PHC1: variants seen among roughly 807,000 people sequenced by gnomAD.
The protein encoded by PHC1 is polyhomeotic homolog 1.
PHC1 carries 12 observed loss-of-function variants against 104.3 expected under a neutral mutation model. That is an observed-to-expected ratio of 0.12 (90% confidence interval 0.07 to 0.19). The LOEUF (loss-of-function observed/expected upper bound fraction) is 0.19, where lower values mean the gene tolerates loss of function less well. PHC1 is among the 10% of genes least tolerant of loss of function. The probability of loss-of-function intolerance (pLI) is 1.00; values close to 1 mark genes in which losing one functional copy is unlikely to be tolerated. For synonymous variants in PHC1, 302 were observed against 455.8 expected (o/e 0.66, Z 4.30); for missense variants, 671 against 1,200.0 (o/e 0.56, Z 6.51).
At chr12:8,917,832 G>A (rs763421996) in intron 2 of PHC1, 41 bp downstream of exon 2, 4 of 1,040,810 alleles carry the variant, frequency 3.8e-6, no homozygotes, top group Non-Finnish European at 5.7e-6. Context: ...GTGAGTCTTG[G>A]CTTGTGGTAG....
Position 8,921,717 on chromosome 12 carries a change from C to T in PHC1, c.423C>T (p.Pro141=), listed in dbSNP as rs1445601107. 1.6e-5 allele frequency: 26 copies of T among 1,612,624 alleles called. No individual in the cohort carries two copies. Among genetic ancestry groups the T allele is most frequent in the Non-Finnish European group, 2.1e-5 (25 of 1,179,394 alleles). Residue 141 remains proline, a synonymous_variant, in exon 5 of 15, where the codon CCC becomes CCT. Transcript: ENST00000544916. The part of the protein sequence containing the change: ...SVLLGNTTSP[P]LNQSQAQMYL... ...TACTGGGGAACACCACCTCCCCACC[C>T]CTCAACCAGTCTCAGGCCCAGATGT... is the stretch of plus-strand genomic sequence containing the variant.
chr12:8,915,678 CTGTT>C (rs968986465), intron 1 of PHC1: 7 of 98,266 alleles, frequency 7.1e-5, no homozygotes, highest in African/African-American at 2.2e-4. Context: ...GCTGCCCAAA[CTGTT>C]TGTTGTCTCC....
rs1268775630 is a variant in PHC1 at position 8,930,957 on chromosome 12, T to C, written c.1105+30T>C. The C allele has an allele frequency of 3.8e-6, 6 of 1,559,966 alleles. No homozygotes were observed. The South Asian group carries it at 7.2e-5, about 19-fold the overall frequency. ...ATTGTCATTCCTCATGTCATTATTC[T>C]CTCAGAATTCATGTGAAATTTTCCT... On this transcript the variant is annotated intron_variant, in intron 7 of 14. Transcript: ENST00000544916.
rs746924917 is a variant in PHC1 at position 8,930,967 on chromosome 12, C to T, written c.1105+40C>T. ...CTCATGTCATTATTCTCTCAGAATTCATGTGAAATTTTCCTTTTTTTCTTT... is the reference window on the plus strand; with the variant it reads ...CTCATGTCATTATTCTCTCAGAATTTATGTGAAATTTTCCTTTTTTTCTTT... On this transcript the variant is annotated intron_variant, in intron 7 of 14. Coordinates refer to ENST00000544916, the MANE Select transcript of PHC1 (RefSeq NM_004426.3). 1.8e-5 allele frequency: 28 copies of T among 1,547,288 alleles called. No homozygotes were observed. The African/African-American group carries it at 2.2e-4, about 12-fold the overall frequency.
rs1332801903 is a variant in PHC1, at chr12:8,919,665, C to T, written c.115-91C>T. On this transcript the variant is annotated intron_variant, in intron 2 of 14. Transcript: ENST00000544916. The surrounding 1 kb of genome is among the most constrained non-coding windows in gnomAD (Gnocchi z 4.9). ...CCATCTCCTCTGGTTTCTGTCCTTCCCATGGCCCCCTTTCACACAAATACA... is the reference window on the plus strand; with the variant it reads ...CCATCTCCTCTGGTTTCTGTCCTTCTCATGGCCCCCTTTCACACAAATACA... 1.5e-6 allele frequency: 2 copies of T among 1,292,332 alleles called. No homozygotes were observed. Among genetic ancestry groups the T allele is most frequent in the Non-Finnish European group, 2.2e-6 (2 of 925,966 alleles). 80.1% of individuals were successfully genotyped at this position (1,292,332 alleles called of 1,614,324 possible).
chr12:8,934,530 G>A, intron 10 of PHC1, 52 bp downstream of exon 10: 1 of 1,372,818 alleles, frequency 7.3e-7, no homozygotes, highest in African/African-American at 1.4e-5. Context: ...TGGTCTGATT[G>A]TTGTCTTTTC....
At chr12:8,935,957 C>T (rs1343288278) in intron 11 of PHC1, among the ~76,000 whole-genome samples, 1 of 151,776 alleles carries the variant, frequency 6.6e-6, no homozygotes, top group Non-Finnish European at 1.5e-5. Flanking sequence ...GACGGGGTTT[C>T]TGCATGTTGG....
intron 6 of PHC1, among the ~76,000 whole-genome samples, chr12:8,926,846 C>T (rs757404367): frequency 2.6e-4 from 39 of 151,016 alleles, no homozygotes; most frequent in African/African-American, 8.3e-4. Context: ...ACCTGGGAGG[C>T]GGAGGTTGCA....
intron 9 of PHC1, 63 bp from the exon 10 acceptor site, chr12:8,934,204 C>T (rs1945769951): frequency 2.2e-6 from 3 of 1,384,372 alleles, no homozygotes; most frequent in African/African-American, 2.8e-5. Flanking sequence ...CATGCTGGCT[C>T]AACTAATAGA....
chr12:8,936,310 A>G (rs1303798307), intron 11 of PHC1, among the ~76,000 whole-genome samples: 1 of 152,166 alleles, frequency 6.6e-6, no homozygotes, highest in Non-Finnish European at 1.5e-5. Context: ...TGAGCCCGGG[A>G]GGTGGAGGTT....
intron 6 of PHC1, among the ~76,000 whole-genome samples, chr12:8,926,306 TCTC>T (rs910467758): frequency 6.6e-6 from 1 of 152,196 alleles, no homozygotes; most frequent in African/African-American, 2.4e-5. Flanking sequence ...ATTAGTTTAC[TCTC>T]CTCAGTCTTT....
intron 14 of PHC1, 44 bp from the exon 15 acceptor site, chr12:8,939,258 TCTC>T (rs780305666): frequency 1.2e-5 from 19 of 1,609,524 alleles, no homozygotes; most frequent in Admixed American, 1.0e-4. Context: ...TAGCTTCCCT[TCTC>T]CTATCATCTG....
rs1945398340 is a variant in PHC1 at position 8,922,632 on chromosome 12, G to A, written c.457-1G>A. 6.4e-7 allele frequency: 1 copy of A among 1,565,436 alleles called. No individual in the cohort carries two copies. Among genetic ancestry groups the A allele is most frequent in the Non-Finnish European group, 8.7e-7 (1 of 1,154,342 alleles). ...GCTCTTCCTCTTCCTCTCCTTGCCA[G>A]CCACAGCTGGGAAACCTATTGCAGG... On this transcript the variant is annotated splice_acceptor_variant, in intron 5 of 14. Transcript: ENST00000544916. LOFTEE classifies it high-confidence loss of function.
At position 8,934,407 on chromosome 12, in the gene PHC1, A is replaced by G. The variant is rs1197201560; in HGVS notation, c.2182A>G (p.Ile728Val). 5 of 1,613,742 alleles carry G rather than the reference A, an allele frequency of 3.1e-6. No individual in the cohort carries two copies. The highest frequency in any genetic ancestry group is 1.3e-5 in the African/African-American group (1 of 74,908). Residue 728 changes from isoleucine to valine, a missense_variant, in exon 10 of 15, where the codon ATC becomes GTC. Physicochemically the swap from Ile to Val is conservative, Grantham distance 29 (BLOSUM62 3). This residue lies in a region of PHC1 where 29 missense variants were observed against 78.0 expected (regional missense o/e 0.37). Transcript: ENST00000544916. ...GGGTGACTCAAAACCCCCACAGGCC[A>G]TCGTGAAGCCCCAGATTCTCACCCA... ...QMGDSKPPQA[I>V]VKPQILTHII...
chr12:8,930,127 G>A lies in PHC1; in HGVS notation c.613-308G>A, dbSNP rs541711019. On this transcript the variant is annotated intron_variant, in intron 6 of 14. Coordinates refer to ENST00000544916, the MANE Select transcript of PHC1 (RefSeq NM_004426.3). ...TATCCAGTGTAGTACCTGAAGCATAGTAGGTTTTTGGGAGGTGCTGAATGA... is the reference window on the plus strand; with the variant it reads ...TATCCAGTGTAGTACCTGAAGCATAATAGGTTTTTGGGAGGTGCTGAATGA... 2.6e-5 allele frequency among the ~76,000 whole-genome samples: 4 copies of A among 152,296 alleles called. No homozygotes were observed. In the South Asian group the frequency reaches 8.3e-4, roughly 32 times the overall value.
chr12:8,935,101 ACT>A, intron 10 of PHC1, 21 bp from the exon 11 acceptor site: 1 of 1,287,246 alleles, frequency 7.8e-7, no homozygotes. Flanking sequence ...GGCTAACTTA[ACT>A]CTCAATGTTT....
chr12:8,927,901 CTTTCTTTCTTTCTTTT>C (rs1945570188), intron 6 of PHC1, among the ~76,000 whole-genome samples: 1 of 108,032 alleles, frequency 9.3e-6, no homozygotes, highest in Admixed American at 9.0e-5. Flanking sequence ...TTCTTTCTTT[CTTTCTTTCTTTCTTTT>C]TTTTTTTTTT....
rs762599404 is a variant in PHC1 at position 8,937,288 on chromosome 12, G to C, written c.2590G>C (p.Asp864His). Residue 864 changes from aspartate (D) to histidine (H), a missense_variant, in exon 13 of 15, where the codon GAC becomes CAC. By Grantham distance (81) the Asp-to-His change is moderately conservative (BLOSUM62 -1). Coordinates refer to ENST00000544916, the MANE Select transcript of PHC1 (RefSeq NM_004426.3). ...GCGTGGACCCCGCCGCAGCTCCTCT[G>C]ACATTGCCCGTGCCAAGATTCAGGG... ...RRRGPRRSSSDIARAKIQGKC... is the reference protein window; with the variant it reads ...RRRGPRRSSSHIARAKIQGKC... 9 of 1,611,402 alleles carry C rather than the reference G, an allele frequency of 5.6e-6. No individual in the cohort carries two copies. Among genetic ancestry groups the C allele is most frequent in the Non-Finnish European group, 7.6e-6 (9 of 1,178,718 alleles).
At chr12:8,927,905 CTTTCTTTCTT>C (rs1945571414) in intron 6 of PHC1, among the ~76,000 whole-genome samples, 3 of 100,458 alleles carry the variant, frequency 3.0e-5, no homozygotes, top group Admixed American at 9.5e-5. Flanking sequence ...TTCTTTCTTT[CTTTCTTTCTT>C]TTTTTTTTTT....
Sources: allele counts gnomAD v4.1 joint callset (sites outside exome capture counted in the v4.1 genomes callset), GRCh38; gene constraint gnomAD v4.1.1; regional missense constraint gnomAD v4.1.1; non-coding constraint Gnocchi (gnomAD v3.1); transcripts MANE v1.5; gene names NCBI Gene and HGNC (gene_info 2026-07-23, HGNC 2026-07-21).